Variants in AGAP1 observed in about 807,000 individuals in gnomAD.
The protein encoded by AGAP1 is ArfGAP with GTPase domain, ankyrin repeat and PH domain 1, also known as arf-GAP with GTPase, ANK repeat and PH domain-containing protein 1.
AGAP1 carries 29 observed loss-of-function variants against 105.3 expected under a neutral mutation model. The observed-to-expected ratio is 0.28, with a 90% confidence interval of 0.21 to 0.38. AGAP1 has a LOEUF of 0.38. Among genes scored for constraint, AGAP1 ranks in the 10% least tolerant of loss-of-function variants. The pLI is 1.00. For missense variants in AGAP1, 998 were observed against 1,165.1 expected (o/e 0.86, Z 2.09); for synonymous variants, 509 against 485.9 (o/e 1.05, Z -0.63).
intron 1 of AGAP1, among the ~76,000 whole-genome samples, chr2:235,541,902 T>A (rs1029699738): frequency 6.6e-6 from 1 of 152,198 alleles, no homozygotes; most frequent in Non-Finnish European, 1.5e-5. Context: ...GTCGCTATAG[T>A]TCATCCATTT....
At chr2:236,060,227 GA>G (rs1456326631) in intron 16 of AGAP1, among the ~76,000 whole-genome samples, 3 of 152,216 alleles carry the variant, frequency 2.0e-5, no homozygotes, top group Non-Finnish European at 4.4e-5. Flanking sequence ...TCTTAGATAT[GA>G]TACCTAAAGT....
rs2123511 is a variant in AGAP1, at chr2:236,014,543, C to T, written c.1646-22018C>T. Reference sequence around the variant, plus strand: ...CCCAGCAGGGCGAAGCAGACTTCTGCGCGTGGGTAGTTCTTTGACGTTAGA... The same window carrying T: ...CCCAGCAGGGCGAAGCAGACTTCTGTGCGTGGGTAGTTCTTTGACGTTAGA... On this transcript the variant is annotated intron_variant, in intron 13 of 17. Coordinates refer to ENST00000304032, the MANE Select transcript of AGAP1 (RefSeq NM_001037131.3). The surrounding 1 kb of genome is among the most constrained non-coding windows in gnomAD (Gnocchi z 6.3). Among the ~76,000 whole-genome samples, 99,670 of 151,948 alleles carry T rather than the reference C, an allele frequency of 0.66. 34,103 individuals are homozygous for T. The highest frequency in any genetic ancestry group is 0.85 in the African/African-American group (35,353 of 41,474).
rs547460875 is a variant in AGAP1, at chr2:236,082,466, GGA to G, written c.2114+33189_2114+33190del. Among the ~76,000 whole-genome samples, 596 of 152,270 alleles carry G rather than the reference GGA, an allele frequency of 3.9e-3. 2 individuals are homozygous for G. Among genetic ancestry groups the G allele is most frequent in the African/African-American group, 0.013 (554 of 41,554 alleles). The stretch of plus-strand genomic sequence containing the variant: ...GCTGCCCATTTGATCTCTCAGGGAG[GGA>G]GAGCTTTTCCTAAGCATCGATCCCC... On this transcript the variant is annotated intron_variant, in intron 16 of 17. Transcript: ENST00000304032. This position sits in a 1 kb window ranked among gnomAD's most constrained non-coding sequence, Gnocchi z 4.2.
At chr2:235,503,503 T>C (rs927051626) in intron 1 of AGAP1, among the ~76,000 whole-genome samples, 3 of 152,232 alleles carry the variant, frequency 2.0e-5, no homozygotes, top group Admixed American at 2.0e-4. Flanking sequence ...AGCCTGGGTC[T>C]CTGAGTGTCC....
At chr2:235,773,015 G>A (rs904453086) in intron 6 of AGAP1, among the ~76,000 whole-genome samples, 4 of 152,192 alleles carry the variant, frequency 2.6e-5, no homozygotes, top group African/African-American at 7.2e-5. Context: ...CCTGGTGGAG[G>A]GGGTCCAGGT....
In AGAP1 at chr2:236,124,656, T is replaced by C. The variant is rs2059975523; in HGVS notation, c.*534T>C. The C allele has an allele frequency of 5.7e-6, 1 of 175,382 alleles. No individual in the cohort carries two copies. Among genetic ancestry groups the C allele is most frequent in the Non-Finnish European group, 1.2e-5 (1 of 81,324 alleles). 10.9% of individuals were successfully genotyped at this position (175,382 alleles called of 1,614,324 possible). A position where few individuals can be genotyped will look rare whatever the true frequency, so the allele number is the denominator to read the frequency against. ...TGTGTGTCAAATCAGTTGTAGCTAATCTGTCCAGGGAGAATACTGGCTTCA... is the reference window on the plus strand; with the variant it reads ...TGTGTGTCAAATCAGTTGTAGCTAACCTGTCCAGGGAGAATACTGGCTTCA... On this transcript the variant is annotated 3_prime_UTR_variant, in exon 18 of 18. Coordinates refer to ENST00000304032, the MANE Select transcript of AGAP1 (RefSeq NM_001037131.3). This position sits in a 1 kb window ranked among gnomAD's most constrained non-coding sequence, Gnocchi z 5.1.
In AGAP1 at chr2:235,621,435, G is replaced by A. The variant is rs1011622128; in HGVS notation, c.164-87744G>A. Among the ~76,000 whole-genome samples, 2 of 152,166 alleles carry A rather than the reference G, an allele frequency of 1.3e-5. No homozygotes were observed. The highest frequency in any genetic ancestry group is 4.8e-5 in the African/African-American group (2 of 41,448). On this transcript the variant is annotated intron_variant, in intron 1 of 17. Coordinates refer to ENST00000304032, the MANE Select transcript of AGAP1 (RefSeq NM_001037131.3). This position sits in a 1 kb window ranked among gnomAD's most constrained non-coding sequence, Gnocchi z 4.1. ...GGTTACGTGAAGTAAGCTTAGACAC[G>A]GCCGAATGAGCCAGAGCCTCTGCTG... is the stretch of plus-strand genomic sequence containing the variant.
At chr2:235,568,669 C>T (rs1212419216) in intron 1 of AGAP1, among the ~76,000 whole-genome samples, 2 of 152,288 alleles carry the variant, frequency 1.3e-5, no homozygotes, top group Non-Finnish European at 1.5e-5. Flanking sequence ...TTACAACATA[C>T]TTAGTGGTGA....
intron 2 of AGAP1, among the ~76,000 whole-genome samples, chr2:235,711,841 G>A (rs953757858): frequency 6.6e-6 from 1 of 152,086 alleles, no homozygotes; most frequent in Non-Finnish European, 1.5e-5. Context: ...GGCACTTTAG[G>A]TCAGCGTCTC....
intron 13 of AGAP1, among the ~76,000 whole-genome samples, chr2:236,021,131 A>G (rs2056869051): frequency 6.8e-6 from 1 of 147,088 alleles, no homozygotes; most frequent in Non-Finnish European, 1.5e-5. Flanking sequence ...GTGCCACTAC[A>G]CTCCAACCTG....
At chr2:235,783,022 TTGTG>T (rs112987473) in intron 6 of AGAP1, among the ~76,000 whole-genome samples, 4 of 141,186 alleles carry the variant, frequency 2.8e-5, no homozygotes, top group Non-Finnish European at 6.2e-5. Flanking sequence ...CGGCAGGAGA[TTGTG>T]TGTGTGTGTG....
At chr2:235,909,346 T>G (rs1009155153) in intron 11 of AGAP1, among the ~76,000 whole-genome samples, 2 of 152,252 alleles carry the variant, frequency 1.3e-5, no homozygotes, top group African/African-American at 4.8e-5. Flanking sequence ...GTTGTTATAT[T>G]TTAATTATCT....
Position 236,080,952 on chromosome 2 carries a change from A to T in AGAP1, c.2114+31671A>T, listed in dbSNP as rs2058764719. Among the ~76,000 whole-genome samples, 1 of 152,148 alleles carries T rather than the reference A, an allele frequency of 6.6e-6. No individual in the cohort carries two copies. Among genetic ancestry groups the T allele is most frequent in the Non-Finnish European group, 1.5e-5 (1 of 68,038 alleles). On this transcript the variant is annotated intron_variant, in intron 16 of 17. Transcript: ENST00000304032. This position sits in a 1 kb window ranked among gnomAD's most constrained non-coding sequence, Gnocchi z 4.2. The stretch of plus-strand genomic sequence containing the variant: ...CTCTCAAGGGCCTTGTCTTAACCGT[A>T]TCTGCAGTTAGGTTGCCATGTAAGG...
At chr2:236,072,368 G>A (rs1004880695) in intron 16 of AGAP1, 16 of 152,026 alleles carry the variant, frequency 1.1e-4, no homozygotes, top group African/African-American at 2.9e-4. Context: ...TTGAACCCGG[G>A]AGGCAGAGCT....
intron 8 of AGAP1, among the ~76,000 whole-genome samples, chr2:235,804,452 G>T (rs1009370368): frequency 1.3e-5 from 2 of 152,174 alleles, no homozygotes; most frequent in African/African-American, 4.8e-5. Flanking sequence ...CTGTTTCAAT[G>T]GCATTTATTT....
intron 1 of AGAP1, chr2:235,669,953 G>T (rs1432665908): frequency 5.7e-6 from 1 of 174,544 alleles, no homozygotes; most frequent in Non-Finnish European, 1.2e-5. Context: ...GGTGCCAGGG[G>T]CGCCGTCCCC....
rs138110610 is a variant in AGAP1, at chr2:235,800,342, C to T, written c.957+820C>T. 2.9e-3 allele frequency among the ~76,000 whole-genome samples: 437 copies of T among 151,816 alleles called. 2 individuals are homozygous for T. Among genetic ancestry groups the T allele is most frequent in the African/African-American group, 9.9e-3 (411 of 41,354 alleles). Reference sequence around the variant, plus strand: ...TCTTGAACTCCTGGGCTCAAGCCACCCTCCCACCTTGTCCTCCTGAAGTGC... The same window carrying T: ...TCTTGAACTCCTGGGCTCAAGCCACTCTCCCACCTTGTCCTCCTGAAGTGC... On this transcript the variant is annotated intron_variant, in intron 8 of 17. Coordinates refer to ENST00000304032, the MANE Select transcript of AGAP1 (RefSeq NM_001037131.3).
chr2:235,796,986 A>G (rs1017572642), intron 6 of AGAP1, among the ~76,000 whole-genome samples: 3 of 152,314 alleles, frequency 2.0e-5, no homozygotes, highest in Non-Finnish European at 2.9e-5. Context: ...TGGCTGGTTG[A>G]ATTTAGATTT....
intron 1 of AGAP1, chr2:235,507,403 T>TGCA (rs1297644665): frequency 6.6e-6 from 1 of 152,450 alleles, no homozygotes; most frequent in African/African-American, 2.4e-5. Flanking sequence ...GGCACAGCTC[T>TGCA]GCAGCAGCAG....
Sources: gnomAD v4.1 joint callset for allele counts (sites outside exome capture counted in the v4.1 genomes callset) on GRCh38, gnomAD v4.1.1 for gene constraint, Gnocchi (gnomAD v3.1) non-coding constraint, MANE v1.5 for transcripts, NCBI Gene and HGNC (gene_info 2026-07-23, HGNC 2026-07-21) for gene names.